The following SETDB2 variants were observed in gnomAD, a reference collection of about 807,000 sequenced individuals.
SETDB2 encodes SET domain bifurcated histone lysine methyltransferase 2, also known as histone-lysine N-methyltransferase SETDB2.
Under a neutral mutation model 82.5 loss-of-function variants are expected in SETDB2, and 56 were observed. The ratio of observed to expected loss-of-function variants is 0.68; its 90% CI spans 0.55 to 0.85. The LOEUF (loss-of-function observed/expected upper bound fraction) is 0.85, where lower values mean the gene tolerates loss of function less well. SETDB2 is among the 40% of genes least tolerant of loss of function. The probability of loss-of-function intolerance (pLI) is 0.00; values close to 1 mark genes in which losing one functional copy is unlikely to be tolerated. For missense variants in SETDB2, 677 were observed against 816.4 expected (o/e 0.83, Z 2.08); for synonymous variants, 272 against 284.9 (o/e 0.95, Z 0.46).
At chr13:49,455,717 C>G (rs1178661884) in intron 2 of SETDB2, among the ~76,000 whole-genome samples, 3 of 151,716 alleles carry the variant, frequency 2.0e-5, no homozygotes, top group African/African-American at 7.3e-5. Flanking sequence ...GCCAAACACT[C>G]AAGTCTGGAA....
At chr13:49,466,722 A>G (rs997642633) in intron 4 of SETDB2, among the ~76,000 whole-genome samples, 1 of 152,116 alleles carries the variant, frequency 6.6e-6, no homozygotes, top group African/African-American at 2.4e-5. Context: ...ATAGCTCACT[A>G]CAGCCTACGG....
In SETDB2 at chr13:49,477,008, T is replaced by G; in HGVS notation, c.838T>G (p.Ser280Ala). The G allele has an allele frequency of 6.2e-7, 1 of 1,609,038 alleles. No homozygotes were observed. The highest frequency in any genetic ancestry group is 8.5e-7 in the Non-Finnish European group (1 of 1,178,990). The change falls in exon 6 of 14, where the codon TCC becomes GCC. Residue 280 changes from serine (S) to alanine (A), a missense_variant. Ser to Ala is a moderately conservative substitution (Grantham distance 99, BLOSUM62 1). Coordinates refer to ENST00000611815, the MANE Select transcript of SETDB2 (RefSeq NM_001160308.3). ...CAACTTTTCCAGCATGTTTACTGATTCCTGTGACTGCTCTGAGGGCTGCAT... is the reference window on the plus strand; with the variant it reads ...CAACTTTTCCAGCATGTTTACTGATGCCTGTGACTGCTCTGAGGGCTGCAT... The part of the protein sequence containing the change: ...LTNFSSMFTD[S>A]CDCSEGCIDI...
chr13:49,481,309 T>G (rs1259480304), intron 8 of SETDB2, among the ~76,000 whole-genome samples, 193 bp downstream of exon 8: 1 of 152,114 alleles, frequency 6.6e-6, no homozygotes, highest in Non-Finnish European at 1.5e-5. Context: ...GGTACTTTCT[T>G]CAAGAAAAGA....
intron 4 of SETDB2, among the ~76,000 whole-genome samples, chr13:49,463,809 A>T (rs1256959054): frequency 6.6e-6 from 1 of 152,164 alleles, no homozygotes; most frequent in Non-Finnish European, 1.5e-5. Context: ...AAGAGAAAGG[A>T]AAATTTGTTT....
At chr13:49,488,215 A>G (rs936422489) in intron 11 of SETDB2, 75 bp from the exon 12 acceptor site, 1 of 1,501,212 alleles carries the variant, frequency 6.7e-7, no homozygotes, top group African/African-American at 1.4e-5. Flanking sequence ...CCTAGCATCT[A>G]ATTAGTGTTG....
intron 2 of SETDB2, among the ~76,000 whole-genome samples, chr13:49,457,023 A>G (rs1050059277): frequency 2.6e-5 from 4 of 152,192 alleles, no homozygotes; most frequent in African/African-American, 9.6e-5. Flanking sequence ...GCTTAGTTAC[A>G]TTCATTTATT....
rs1957621764 is a variant in SETDB2 at position 49,444,629 on chromosome 13, A to G, written c.-570A>G. On this transcript the variant is annotated 5_prime_UTR_variant, in exon 1 of 14. Transcript: ENST00000611815. Reference sequence around the variant, plus strand: ...GCAGGGGCTGGACCCCAGCCCTTGCAGCCTCCCTTCTCCTGGCACCCAAGT... The same window carrying G: ...GCAGGGGCTGGACCCCAGCCCTTGCGGCCTCCCTTCTCCTGGCACCCAAGT... The G allele has an allele frequency of 6.4e-6, 1 of 155,474 alleles. No individual in the cohort carries two copies. Among genetic ancestry groups the G allele is most frequent in the South Asian group, 1.8e-4 (1 of 5,484 alleles). The allele number at this position is 155,474 out of a possible 1,614,324, so 9.6% of individuals were successfully genotyped here.
At position 49,481,132 on chromosome 13, in the gene SETDB2, AT is replaced by A; in HGVS notation, c.1156+20del. On this transcript the variant is annotated intron_variant, in intron 8 of 13. Coordinates refer to ENST00000611815, the MANE Select transcript of SETDB2 (RefSeq NM_001160308.3). Reference sequence around the variant, plus strand: ...ATTTATTCAGGTAAAGCAAAAGTTTATTTTCAAATTATTCTAGAGTAGAATC... The same window carrying A: ...ATTTATTCAGGTAAAGCAAAAGTTTATTTCAAATTATTCTAGAGTAGAATC... 1 of 1,605,084 alleles carries A rather than the reference AT, an allele frequency of 6.2e-7. No individual in the cohort carries two copies. Among genetic ancestry groups the A allele is most frequent in the East Asian group, 2.2e-5 (1 of 44,776 alleles).
intron 10 of SETDB2, among the ~76,000 whole-genome samples, 177 bp from the exon 11 acceptor site, chr13:49,485,453 G>C (rs1045413525): frequency 6.6e-6 from 1 of 152,124 alleles, no homozygotes; most frequent in South Asian, 2.1e-4. Flanking sequence ...GAGTCAAAGG[G>C]GATGACACTT....
chr13:49,467,826 C>T (rs1463683118), intron 4 of SETDB2, 38 bp from the exon 5 acceptor site: 3 of 1,499,798 alleles, frequency 2.0e-6, no homozygotes, highest in Non-Finnish European at 1.8e-6. Flanking sequence ...TGGTTTTTAA[C>T]TTGGTATATT....
rs770458141 is a variant in SETDB2 at position 49,488,501 on chromosome 13, G to C, written c.1788G>C (p.Gln596His). The C allele has an allele frequency of 1.2e-6, 2 of 1,614,096 alleles. No homozygotes were observed. Among genetic ancestry groups the C allele is most frequent in the Non-Finnish European group, 1.7e-6 (2 of 1,179,990 alleles). ...EGRSTACQRQ[Q>H]VFCDEELLSE... ...GATCTACAGCATGTCAAAGACAGCA[G>C]GTATTTTGTGATGAAGAGTTGCTAA... The change falls in exon 12 of 14, where the codon CAG becomes CAC. Residue 596 changes from glutamine to histidine, a missense_variant. Around this residue, in one of 3 missense-constraint regions of SETDB2, gnomAD observed 420 missense variants for 554.6 expected, o/e 0.76. Coordinates refer to ENST00000611815, the MANE Select transcript of SETDB2 (RefSeq NM_001160308.3).
chr13:49,486,310 A>AAAT lies in SETDB2; in HGVS notation c.1576+589_1576+590insTAA, dbSNP rs1555273625. 4.6e-5 allele frequency among the ~76,000 whole-genome samples: 7 copies of AAAT among 151,876 alleles called. No homozygotes were observed. In the East Asian group the frequency reaches 5.8e-4, roughly 13 times the overall value. On this transcript the variant is annotated intron_variant, in intron 11 of 13. Coordinates refer to ENST00000611815, the MANE Select transcript of SETDB2 (RefSeq NM_001160308.3). ...TAGAACAAGACCCTGTCTCAAAAAA[A>AAAT]AAAATAAAATGTAAGTTTTATTGGA...
intron 8 of SETDB2, chr13:49,482,058 C>CCCTA (rs1350536875): frequency 2.0e-6 from 2 of 985,240 alleles, no homozygotes; most frequent in African/African-American, 3.5e-5. Context: ...CCTGCCTAGA[C>CCCTA]GTTCATCTCT....
intron 1 of SETDB2, among the ~76,000 whole-genome samples, chr13:49,449,003 A>G (rs1957741162): frequency 6.6e-6 from 1 of 152,170 alleles, no homozygotes; most frequent in Admixed American, 6.5e-5. Context: ...TTCAACTCTT[A>G]TTTGATACGT....
At chr13:49,473,804 A>G (rs1316725825) in intron 5 of SETDB2, among the ~76,000 whole-genome samples, 1 of 152,186 alleles carries the variant, frequency 6.6e-6, no homozygotes, top group Non-Finnish European at 1.5e-5. Context: ...GAAAGAAAAT[A>G]GGGTGTTTTA....
rs903775477 is a variant in SETDB2, at chr13:49,494,546, A to G, written c.*2697A>G. ...TGTTTTACTATGACCTACCTGAGCT[A>G]TCTTGCTGGGGAACACCCTAATGTC... On this transcript the variant is annotated 3_prime_UTR_variant, in exon 14 of 14. Transcript: ENST00000611815. 4 of 152,198 alleles carry G rather than the reference A, an allele frequency of 2.6e-5. No homozygotes were observed. 9.4% of individuals were successfully genotyped at this position (152,198 alleles called of 1,614,324 possible). A position where few individuals can be genotyped will look rare whatever the true frequency, so the allele number is the denominator to read the frequency against.
At chr13:49,448,677 C>T (rs1264274081) in intron 1 of SETDB2, among the ~76,000 whole-genome samples, 1 of 152,148 alleles carries the variant, frequency 6.6e-6, no homozygotes, top group Non-Finnish European at 1.5e-5. Flanking sequence ...CTTTTGGTCT[C>T]ATAATAGTTT....
At chr13:49,460,997 A>C in intron 3 of SETDB2, 100 bp from the exon 4 acceptor site, 2 of 853,762 alleles carry the variant, frequency 2.3e-6, no homozygotes. Flanking sequence ...TCTCAGAGGA[A>C]TAGTGAAGAT....
rs1958638047 is a variant in SETDB2 at position 49,488,384 on chromosome 13, A to C, written c.1671A>C (p.Pro557=). 1.2e-6 allele frequency: 2 copies of C among 1,613,540 alleles called. No individual in the cohort carries two copies. Among genetic ancestry groups the C allele is most frequent in the Non-Finnish European group, 8.5e-7 (1 of 1,179,894 alleles). ...IDITKYREET[P]PRSRCNQATT... ...TAACTAAATATAGAGAAGAAACTCC[A>C]CCAAGGAGCAGATGTAACCAGGCGA... The change falls in exon 12 of 14, where the codon CCA becomes CCC. Residue 557 remains proline (P), a synonymous_variant. Coordinates refer to ENST00000611815, the MANE Select transcript of SETDB2 (RefSeq NM_001160308.3).
Sources: allele counts gnomAD v4.1 joint callset (sites outside exome capture counted in the v4.1 genomes callset), GRCh38; gene constraint gnomAD v4.1.1; regional missense constraint gnomAD v4.1.1; transcripts MANE v1.5; gene names NCBI Gene and HGNC (gene_info 2026-07-23, HGNC 2026-07-21).